Variants in SGMS2 observed in about 807,000 individuals in gnomAD.
SGMS2 encodes sphingomyelin synthase 2.
In SGMS2, 21 loss-of-function variants were observed where a neutral mutation model predicts 43.8. That is an observed-to-expected ratio of 0.48 (90% confidence interval 0.34 to 0.69). SGMS2 has a LOEUF of 0.69. SGMS2 is among the 30% of genes least tolerant of loss of function. SGMS2 has a pLI of 0.01. For missense variants in SGMS2, 384 were observed against 443.2 expected, an observed-to-expected ratio of 0.87 and a Z score of 1.20; for synonymous variants, 167 against 160.6, an observed-to-expected ratio of 1.04 and a Z score of -0.30.
At chr4:107,875,413 A>G (rs1010449398) in intron 2 of SGMS2, among the ~76,000 whole-genome samples, 2 of 152,154 alleles carry the variant, frequency 1.3e-5, no homozygotes, top group African/African-American at 4.8e-5. Flanking sequence ...GAACAGAAAA[A>G]CAAATACCAT....
intron 2 of SGMS2, among the ~76,000 whole-genome samples, chr4:107,873,012 G>A (rs576249549): frequency 6.6e-6 from 1 of 152,214 alleles, no homozygotes; most frequent in East Asian, 1.9e-4. Flanking sequence ...TATTTACAAA[G>A]AGATTCTCAA....
chr4:107,858,010 AC>A (rs111601025), intron 1 of SGMS2, among the ~76,000 whole-genome samples: 140 of 124,900 alleles, frequency 1.1e-3, no homozygotes, highest in Non-Finnish European at 1.9e-3. Context: ...TAGCTGCCCC[AC>A]CCCCCCCATC....
At chr4:107,868,048 G>C (rs1356644401) in intron 2 of SGMS2, 2 of 152,068 alleles carry the variant, frequency 1.3e-5, no homozygotes, top group Non-Finnish European at 2.9e-5. Context: ...TAGTAATAAA[G>C]CCCAATTAGC....
Position 107,895,915 on chromosome 4 carries a change from T to C in SGMS2, c.362T>C (p.Ile121Thr), listed in dbSNP as rs900314127. 10 of 1,613,874 alleles carry C rather than the reference T, an allele frequency of 6.2e-6. No individual in the cohort carries two copies. The highest frequency in any genetic ancestry group is 4.5e-5 in the East Asian group (2 of 44,876). Residue 121 changes from isoleucine to threonine, a missense_variant, in exon 3 of 7, where the codon ATT (isoleucine) becomes ACT (threonine). Physicochemically the swap from Ile to Thr is moderately conservative, Grantham distance 89. Coordinates refer to ENST00000690982, the MANE Select transcript of SGMS2 (RefSeq NM_001375905.1). ...CTCCCAGACAAGTTTTTTGATTACATTGATAGGGTGAAATGGGCATTTTCT... is the reference window on the plus strand; with the variant it reads ...CTCCCAGACAAGTTTTTTGATTACACTGATAGGGTGAAATGGGCATTTTCT... ...PPLPDKFFDY[I>T]DRVKWAFSVS... is the part of the protein sequence containing the mutation.
At chr4:107,889,071 A>G (rs1438370975) in intron 2 of SGMS2, among the ~76,000 whole-genome samples, 1 of 152,164 alleles carries the variant, frequency 6.6e-6, no homozygotes, top group Admixed American at 6.6e-5. Flanking sequence ...TTGGGACCTT[A>G]GCTTATAGTT....
chr4:107,890,879 G>A lies in SGMS2; in HGVS notation c.-244-4431G>A, dbSNP rs182117985. 2.9e-3 allele frequency among the ~76,000 whole-genome samples: 448 copies of A among 151,944 alleles called. 1 individual carries two copies. The highest frequency in any genetic ancestry group is 5.1e-3 in the Non-Finnish European group (346 of 67,956). On this transcript the variant is annotated intron_variant, in intron 2 of 6. Coordinates refer to ENST00000690982, the MANE Select transcript of SGMS2 (RefSeq NM_001375905.1). ...ATTTCACGAACTAGGACAAATTGCC[G>A]CTATTTCAGAAGTACCAAGTATCAA...
intron 1 of SGMS2, among the ~76,000 whole-genome samples, chr4:107,838,225 T>G (rs1417922408): frequency 6.6e-6 from 1 of 152,208 alleles, no homozygotes; most frequent in Non-Finnish European, 1.5e-5. Context: ...GAGTAATCAG[T>G]TCTCTTGTTA....
intron 1 of SGMS2, among the ~76,000 whole-genome samples, chr4:107,842,938 T>A (rs926023363): frequency 1.3e-5 from 2 of 152,216 alleles, no homozygotes; most frequent in South Asian, 2.1e-4. Flanking sequence ...TAAAAGTTCC[T>A]TCTAAATGAA....
chr4:107,862,250 GA>G (rs1727776789), intron 2 of SGMS2, among the ~76,000 whole-genome samples: 5 of 152,170 alleles, frequency 3.3e-5, no homozygotes, highest in Non-Finnish European at 7.3e-5. Context: ...TTGGCTCCTA[GA>G]GTAACCCAGG....
intron 2 of SGMS2, chr4:107,874,136 G>A (rs1287784965): frequency 6.6e-6 from 1 of 152,088 alleles, no homozygotes; most frequent in Non-Finnish European, 1.5e-5. Context: ...CTAGGTTTCT[G>A]CGAAAGAAAA....
chr4:107,886,054 G>A (rs1441852234), intron 2 of SGMS2, among the ~76,000 whole-genome samples: 1 of 152,142 alleles, frequency 6.6e-6, no homozygotes, highest in Non-Finnish European at 1.5e-5. Context: ...TATATAATGT[G>A]AGTCATTTCC....
At chr4:107,838,311 G>T (rs1379335350) in intron 1 of SGMS2, among the ~76,000 whole-genome samples, 2 of 152,190 alleles carry the variant, frequency 1.3e-5, no homozygotes, top group Non-Finnish European at 2.9e-5. Context: ...TTGAGATCTT[G>T]TTGAGCATTT....
intron 2 of SGMS2, among the ~76,000 whole-genome samples, chr4:107,862,579 AT>A (rs571240471): frequency 8.9e-4 from 135 of 152,234 alleles, no homozygotes; most frequent in African/African-American, 2.9e-3. Context: ...AGTAGCCTAT[AT>A]TTCAGCTACA....
At position 107,912,410 on chromosome 4, in the gene SGMS2, G is replaced by T. The variant is rs1732179749; in HGVS notation, c.*1857G>T. ...ATACTTAGTTTACCTGATGAGTTTA[G>T]ACATAATTCTATATAATGTTCGCTT... is the stretch of plus-strand genomic sequence containing the variant. On this transcript the variant is annotated 3_prime_UTR_variant, in exon 7 of 7. Transcript: ENST00000690982. 1 of 152,064 alleles carries T rather than the reference G, an allele frequency of 6.6e-6. No individual in the cohort carries two copies. The highest frequency in any genetic ancestry group is 1.5e-5 in the Non-Finnish European group (1 of 68,014). The allele number at this position is 152,064 out of a possible 1,614,324, so 9.4% of individuals were successfully genotyped here.
chr4:107,883,540 T>A (rs1379579495), intron 2 of SGMS2, among the ~76,000 whole-genome samples: 1 of 152,188 alleles, frequency 6.6e-6, no homozygotes, highest in Non-Finnish European at 1.5e-5. Flanking sequence ...GGTCTCAAAC[T>A]ACTGACTTCA....
At chr4:107,853,214 C>G (rs900861388) in intron 1 of SGMS2, among the ~76,000 whole-genome samples, 1 of 151,982 alleles carries the variant, frequency 6.6e-6, no homozygotes, top group Non-Finnish European at 1.5e-5. Context: ...GAAAGCAGAG[C>G]TTATGAGACA....
At chr4:107,835,434 C>G (rs1726119057) in intron 1 of SGMS2, among the ~76,000 whole-genome samples, 2 of 152,136 alleles carry the variant, frequency 1.3e-5, no homozygotes, top group African/African-American at 4.8e-5. Context: ...TTGAATTCCT[C>G]TTATAAATGT....
chr4:107,912,914 T>C lies in SGMS2; in HGVS notation c.*2361T>C, dbSNP rs1416813721. On this transcript the variant is annotated 3_prime_UTR_variant, in exon 7 of 7. Transcript: ENST00000690982. ...GTTGAGGAAGTCCATGGTTTGCAAA[T>C]AAGGGTGGGGGAATCAAAATTTCAA... The C allele has an allele frequency of 6.6e-6, 1 of 151,898 alleles. No homozygotes were observed. Among genetic ancestry groups the C allele is most frequent in the Non-Finnish European group, 1.5e-5 (1 of 67,978 alleles). 9.4% of individuals were successfully genotyped at this position (151,898 alleles called of 1,614,324 possible). A position where few individuals can be genotyped will look rare whatever the true frequency, so the allele number is the denominator to read the frequency against.
At chr4:107,866,162 T>C (rs1458598131) in intron 2 of SGMS2, among the ~76,000 whole-genome samples, 1 of 152,222 alleles carries the variant, frequency 6.6e-6, no homozygotes, top group Non-Finnish European at 1.5e-5. Flanking sequence ...GGGCATGTTG[T>C]AGGGGCCATG....
Sources: allele counts gnomAD v4.1 joint callset (sites outside exome capture counted in the v4.1 genomes callset), GRCh38; gene constraint gnomAD v4.1.1; transcripts MANE v1.5; gene names NCBI Gene and HGNC (gene_info 2026-07-23, HGNC 2026-07-21).